NEDD4L: variants seen among roughly 807,000 people sequenced by gnomAD.
NEDD4L encodes NEDD4 like E3 ubiquitin protein ligase.
A neutral mutation model predicts 148.9 loss-of-function variants in NEDD4L; 54 were observed. That is an observed-to-expected ratio of 0.36 (90% CI 0.29 to 0.45). NEDD4L has a LOEUF of 0.45. Ranked by LOEUF, NEDD4L falls within the 20% of genes least tolerant of loss-of-function variation. NEDD4L has a pLI of 1.00. For missense variants in NEDD4L, 856 were observed against 1,233.8 expected (o/e 0.69, Z 4.59); for synonymous variants, 433 against 440.7 (o/e 0.98, Z 0.22).
chr18:58,367,312 GGGT>G, intron 21 of NEDD4L: 1 of 163,706 alleles, frequency 6.1e-6, no homozygotes, highest in Non-Finnish European at 1.3e-5. Context: ...GACAGACCAA[GGGT>G]TGGGCCCATA....
At chr18:58,222,206 G>A (rs1038584927) in intron 2 of NEDD4L, among the ~76,000 whole-genome samples, 3 of 152,114 alleles carry the variant, frequency 2.0e-5, no homozygotes, top group East Asian at 1.9e-4. Context: ...GTTCTGTTTC[G>A]AGTCTCAGTA....
chr18:58,122,446 G>A (rs1267283951), intron 1 of NEDD4L, among the ~76,000 whole-genome samples: 4 of 152,146 alleles, frequency 2.6e-5, no homozygotes, highest in Non-Finnish European at 4.4e-5. Context: ...CCAGTGAGCC[G>A]AAATTGCGCC....
At chr18:58,353,692 A>C (rs370697547) in intron 18 of NEDD4L, among the ~76,000 whole-genome samples, 223 of 152,380 alleles carry the variant, frequency 1.5e-3, no homozygotes, top group African/African-American at 5.0e-3. Flanking sequence ...AAATGGGTTG[A>C]ATTACCTGGA....
intron 5 of NEDD4L, among the ~76,000 whole-genome samples, chr18:58,269,027 A>G (rs1208968836): frequency 6.6e-6 from 1 of 151,984 alleles, no homozygotes; most frequent in African/African-American, 2.4e-5. Context: ...CAGAAACCTC[A>G]CTGGGGATCA....
At chr18:58,208,413 A>G (rs1457649594) in intron 2 of NEDD4L, among the ~76,000 whole-genome samples, 1 of 152,250 alleles carries the variant, frequency 6.6e-6, no homozygotes, top group African/African-American at 2.4e-5. Context: ...CATAGGGTCT[A>G]AAAATGGAAA....
intron 2 of NEDD4L, among the ~76,000 whole-genome samples, chr18:58,176,611 A>C (rs2038186682): frequency 6.6e-6 from 1 of 152,202 alleles, no homozygotes; most frequent in Non-Finnish European, 1.5e-5. Flanking sequence ...CTGGAATTAC[A>C]GGTGCAAACC....
At chr18:58,135,924 A>G (rs577245259) in intron 1 of NEDD4L, among the ~76,000 whole-genome samples, 57 of 152,266 alleles carry the variant, frequency 3.7e-4, no homozygotes, top group Middle Eastern at 3.4e-3. Flanking sequence ...TTGCTCATTG[A>G]TGGCCATACC....
At position 58,231,911 on chromosome 18, in the gene NEDD4L, C is replaced by T. The variant is rs150084877; in HGVS notation, c.123-13516C>T. On this transcript the variant is annotated intron_variant, in intron 2 of 30. Coordinates refer to ENST00000400345, the MANE Select transcript of NEDD4L (RefSeq NM_001144967.3). ...CTCCATTTCCCACCTAATAGAAAGT[C>T]GGAAGCATAGGGCAAAAGTAAAGGA... Among the ~76,000 whole-genome samples the T allele has an allele frequency of 3.7e-4, 56 of 152,242 alleles. No individual in the cohort carries two copies. The East Asian group carries it at 9.9e-3, about 27-fold the overall frequency.
At chr18:58,047,723 C>T (rs555326448) in intron 1 of NEDD4L, among the ~76,000 whole-genome samples, 1 of 152,254 alleles carries the variant, frequency 6.6e-6, no homozygotes, top group Admixed American at 6.5e-5. Flanking sequence ...TGATTCATGG[C>T]CCAAGATCAG....
chr18:58,111,705 C>T (rs1258397969), intron 1 of NEDD4L, among the ~76,000 whole-genome samples: 7 of 152,124 alleles, frequency 4.6e-5, no homozygotes, highest in Non-Finnish European at 4.4e-5. Context: ...GCCATGCTGA[C>T]CCCTGTAGAG....
chr18:58,270,220 CAG>C (rs2050831623), intron 5 of NEDD4L, among the ~76,000 whole-genome samples: 1 of 152,214 alleles, frequency 6.6e-6, no homozygotes, highest in Non-Finnish European at 1.5e-5. Context: ...TCATGAATTT[CAG>C]AGAAGTGGGT....
Position 58,149,380 on chromosome 18 carries a change from A to G in NEDD4L, c.49-16408A>G, listed in dbSNP as rs552760572. 6.9e-6 allele frequency: 10 copies of G among 1,442,726 alleles called. No homozygotes were observed. The South Asian group carries it at 1.4e-4, about 20-fold the overall frequency. 89.4% of individuals were successfully genotyped at this position (1,442,726 alleles called of 1,614,324 possible). ...CGTGTAGACTGCTTTCCTGGGAGTC[A>G]AGTTAAAACTTCTCTCCTGTGACCT... On this transcript the variant is annotated intron_variant, in intron 1 of 30. Transcript: ENST00000400345.
intron 5 of NEDD4L, among the ~76,000 whole-genome samples, chr18:58,277,565 C>T (rs1291982914): frequency 6.6e-6 from 1 of 152,172 alleles, no homozygotes; most frequent in Non-Finnish European, 1.5e-5. Context: ...GTCACCTTCT[C>T]ACCCTCTGGC....
intron 12 of NEDD4L, 96 bp downstream of exon 12, chr18:58,333,988 T>A: frequency 7.0e-6 from 5 of 719,362 alleles, no homozygotes; most frequent in South Asian, 2.5e-5. Flanking sequence ...TGTGTAAATT[T>A]ATTTACAATA....
At chr18:58,051,004 T>C (rs1267969407) in intron 1 of NEDD4L, among the ~76,000 whole-genome samples, 1 of 152,128 alleles carries the variant, frequency 6.6e-6, no homozygotes, top group Non-Finnish European at 1.5e-5. Context: ...CCAAGAAAAG[T>C]GAATAATCTT....
At chr18:58,113,819 T>TG (rs1281877721) in intron 1 of NEDD4L, among the ~76,000 whole-genome samples, 1 of 151,298 alleles carries the variant, frequency 6.6e-6, no homozygotes, top group Non-Finnish European at 1.5e-5. Flanking sequence ...GGATTGGGAT[T>TG]GGGGGTGTGG....
chr18:58,294,890 G>A (rs1208934902), intron 5 of NEDD4L, among the ~76,000 whole-genome samples: 1 of 152,146 alleles, frequency 6.6e-6, no homozygotes, highest in Non-Finnish European at 1.5e-5. Context: ...TAAAAACAGA[G>A]CAGATACAAC....
intron 1 of NEDD4L, among the ~76,000 whole-genome samples, chr18:58,060,378 C>T (rs925641367): frequency 3.9e-5 from 6 of 152,110 alleles, no homozygotes; most frequent in African/African-American, 1.4e-4. Context: ...CCTTCTGAGT[C>T]GCTGGGATTA....
At chr18:58,326,338 A>T (rs1347883619) in intron 9 of NEDD4L, among the ~76,000 whole-genome samples, 1 of 152,222 alleles carries the variant, frequency 6.6e-6, no homozygotes, top group South Asian at 2.1e-4. Flanking sequence ...TTAGCTCAGG[A>T]CAGCAAAATG....
Sources: allele counts gnomAD v4.1 joint callset (sites outside exome capture counted in the v4.1 genomes callset), GRCh38; gene constraint gnomAD v4.1.1; transcripts MANE v1.5; gene names NCBI Gene and HGNC (gene_info 2026-07-23, HGNC 2026-07-21).